Variants in CAST observed in about 807,000 individuals in gnomAD.
The protein encoded by CAST is calpastatin, also known as MIR583 host.
A neutral mutation model predicts 119.6 loss-of-function variants in CAST; 76 were observed. The observed-to-expected ratio is 0.64, with a 90% confidence interval of 0.53 to 0.77. The LOEUF is 0.77. Among genes scored for constraint, CAST ranks in the 30% least tolerant of loss-of-function variants. The pLI is 0.00. For synonymous variants in CAST, 319 were observed against 331.6 expected (o/e 0.96, Z 0.41); for missense variants, 953 against 946.5 (o/e 1.01, Z -0.09).
At chr5:96,500,247 G>C in the CAST span, among the ~76,000 whole-genome samples, 1 of 152,194 alleles carries the variant, frequency 6.6e-6, no homozygotes, top group African/African-American at 2.4e-5. Flanking sequence ...CTATAGACTT[G>C]TTCAATGCAG....
the CAST span, among the ~76,000 whole-genome samples, chr5:96,222,581 G>A: frequency 6.6e-6 from 1 of 151,992 alleles, no homozygotes; most frequent in African/African-American, 2.4e-5. Context: ...ACCCCAGTCA[G>A]AATGACTATT....
At chr5:96,271,249 G>A in the CAST span, among the ~76,000 whole-genome samples, 1 of 151,952 alleles carries the variant, frequency 6.6e-6, no homozygotes, top group East Asian at 1.9e-4. Context: ...TAAAAAAACA[G>A]TTCTAAAATG....
At chr5:96,189,685 G>T in the CAST span, among the ~76,000 whole-genome samples, 3 of 151,808 alleles carry the variant, frequency 2.0e-5, no homozygotes, top group Non-Finnish European at 4.4e-5. Flanking sequence ...TCATCTTTTT[G>T]TGTTTCCTTT....
chr5:96,720,511 T>G (rs1244153467), intron 3 of CAST, among the ~76,000 whole-genome samples: 1 of 152,226 alleles, frequency 6.6e-6, no homozygotes, highest in African/African-American at 2.4e-5. Flanking sequence ...CCAGCTCCCA[T>G]GAAGCAGCTT....
At chr5:96,588,299 T>A (rs976894030) in intron 1 of CAST, among the ~76,000 whole-genome samples, 1 of 139,972 alleles carries the variant, frequency 7.1e-6, no homozygotes, top group East Asian at 2.5e-4. Context: ...CCTCCCAGGT[T>A]CAAGCAATTC....
chr5:96,182,230 G>A, the CAST span, among the ~76,000 whole-genome samples: 1 of 152,186 alleles, frequency 6.6e-6, no homozygotes, highest in South Asian at 2.1e-4. Flanking sequence ...AATTCCTGGG[G>A]TGTCTGCTAG....
intron 1 of CAST, among the ~76,000 whole-genome samples, chr5:96,627,165 T>C (rs922041657): frequency 6.6e-6 from 1 of 152,248 alleles, no homozygotes; most frequent in Non-Finnish European, 1.5e-5. Flanking sequence ...AATGGCTCCA[T>C]TCAACTTTGA....
chr5:96,672,881 T>C (rs1750284617), intron 1 of CAST, among the ~76,000 whole-genome samples: 1 of 152,162 alleles, frequency 6.6e-6, no homozygotes, highest in Non-Finnish European at 1.5e-5. Flanking sequence ...ACAATGCTTA[T>C]AGTACATAAT....
chr5:96,381,883 A>G, the CAST span, among the ~76,000 whole-genome samples: 1 of 152,210 alleles, frequency 6.6e-6, no homozygotes, highest in African/African-American at 2.4e-5. Flanking sequence ...GCAGACTACA[A>G]TTCGGTTTTA....
intron 1 of CAST, among the ~76,000 whole-genome samples, chr5:96,541,457 C>T (rs4869289): frequency 0.086 from 13,113 of 152,156 alleles, 1,111 homozygotes; most frequent in East Asian, 0.33. Flanking sequence ...GACTCAATCC[C>T]CTGACCTCCT....
chr5:96,071,508 C>A, the CAST span, among the ~76,000 whole-genome samples: 2 of 152,120 alleles, frequency 1.3e-5, no homozygotes, highest in Non-Finnish European at 2.9e-5. Flanking sequence ...CTGTCATTTT[C>A]CCCAAAGTCC....
chr5:96,491,415 C>G, the CAST span, among the ~76,000 whole-genome samples: 1 of 133,236 alleles, frequency 7.5e-6, no homozygotes, highest in Non-Finnish European at 1.6e-5. Flanking sequence ...GGCGTGAACC[C>G]GGGAGGCGGA....
the CAST span, among the ~76,000 whole-genome samples, chr5:96,314,732 TC>T: frequency 6.6e-6 from 1 of 152,182 alleles, no homozygotes; most frequent in African/African-American, 2.4e-5. Flanking sequence ...TTGTTTTAAG[TC>T]CTATTACGTT....
chr5:96,038,714 T>C, the CAST span, among the ~76,000 whole-genome samples: 1 of 152,176 alleles, frequency 6.6e-6, no homozygotes, highest in African/African-American at 2.4e-5. Context: ...TCCTTTTTTA[T>C]GGCTGCATAG....
At chr5:96,497,254 T>C in the CAST span, among the ~76,000 whole-genome samples, 14 of 152,166 alleles carry the variant, frequency 9.2e-5, no homozygotes, top group African/African-American at 2.9e-4. Context: ...TTAATCCAGT[T>C]TATCATTGTT....
intron 2 of CAST, among the ~76,000 whole-genome samples, chr5:96,681,481 C>G (rs1751400625): frequency 6.6e-6 from 1 of 151,996 alleles, no homozygotes; most frequent in Non-Finnish European, 1.5e-5. Context: ...CGCCTGTAAT[C>G]CCAGCACTTT....
At chr5:96,755,570 C>T (rs376890369) in intron 22 of CAST, among the ~76,000 whole-genome samples, 6 of 152,236 alleles carry the variant, frequency 3.9e-5, no homozygotes, top group East Asian at 1.9e-4. Context: ...GAGGCGGATT[C>T]GTGGACAGTT....
the CAST span, among the ~76,000 whole-genome samples, chr5:96,014,637 T>G: frequency 6.6e-6 from 1 of 152,134 alleles, no homozygotes; most frequent in Admixed American, 6.6e-5. Flanking sequence ...TTTTTCAACT[T>G]CATTATAATC....
rs1402518810 is a variant in CAST, at chr5:96,534,714, G to A, written c.60+4834G>A. 1.4e-3 allele frequency among the ~76,000 whole-genome samples: 19 copies of A among 13,990 alleles called. 1 individual carries two copies. The highest frequency in any genetic ancestry group is 0.029 in the Middle Eastern group (1 of 34). The allele number at this position is 13,990 out of a possible 152,430, so 9.2% of individuals were successfully genotyped here. On this transcript the variant is annotated intron_variant, in intron 1 of 11. Transcript: ENST00000505143. ...AGGAAGGAAGGAAGGAAGGAAGGAA[G>A]GAGAGAGAGAGAGAGAGAGAGAGAG...
Sources: allele counts gnomAD v4.1 joint callset (sites outside exome capture counted in the v4.1 genomes callset), GRCh38; gene constraint gnomAD v4.1.1; transcripts MANE v1.5; gene names NCBI Gene and HGNC (gene_info 2026-07-23, HGNC 2026-07-21).